CCDC148: variants seen among roughly 807,000 people sequenced by gnomAD.
CCDC148 encodes coiled-coil domain-containing protein 148.
In CCDC148, 89 loss-of-function variants were observed where a neutral mutation model predicts 85.7. The observed-to-expected ratio is 1.04, with a 90% CI of 0.87 to 1.24. The LOEUF (loss-of-function observed/expected upper bound fraction) is 1.24, where lower values mean the gene tolerates loss of function less well. Among genes scored for constraint, CCDC148 ranks in the 50% most tolerant of loss-of-function variants. The probability of loss-of-function intolerance (pLI) is 0.00; values close to 1 mark genes in which losing one functional copy is unlikely to be tolerated. For missense variants in CCDC148, 692 were observed against 671.7 expected (o/e 1.03, Z -0.33); for synonymous variants, 230 against 213.9 (o/e 1.08, Z -0.66).
intron 11 of CCDC148, among the ~76,000 whole-genome samples, chr2:158,179,846 T>C (rs573788833): frequency 2.4e-4 from 36 of 152,304 alleles, no homozygotes; most frequent in Admixed American, 5.2e-4. Flanking sequence ...TTGACATCTG[T>C]AGATGGCAGC....
chr2:158,207,370 T>C (rs1458553621), intron 11 of CCDC148: 3 of 152,208 alleles, frequency 2.0e-5, no homozygotes, highest in African/African-American at 7.2e-5. Flanking sequence ...ATGGTGCTAT[T>C]TCTCACAAAG....
rs571436949 is a variant in CCDC148, at chr2:158,312,416, T to C, written c.903+1340A>G. 2.4e-3 allele frequency among the ~76,000 whole-genome samples: 366 copies of C among 151,966 alleles called. 1 individual carries two copies. The highest frequency in any genetic ancestry group is 4.7e-3 in the Non-Finnish European group (319 of 67,932). Reference sequence around the variant, plus strand: ...GGCCAACACGGTGAAACCCCGACTCTACTGAAAATACAAAAATTAGCTGGG... The same window carrying C: ...GGCCAACACGGTGAAACCCCGACTCCACTGAAAATACAAAAATTAGCTGGG... On this transcript the variant is annotated intron_variant, in intron 8 of 13. Transcript: ENST00000283233.
intron 10 of CCDC148, among the ~76,000 whole-genome samples, chr2:158,229,208 T>G (rs528554966): frequency 6.6e-6 from 1 of 152,278 alleles, no homozygotes; most frequent in African/African-American, 2.4e-5. Flanking sequence ...CTGTGTAATC[T>G]TGAATCAGCA....
intron 13 of CCDC148, among the ~76,000 whole-genome samples, chr2:158,174,898 G>C (rs372371934): frequency 2.6e-5 from 4 of 152,138 alleles, no homozygotes; most frequent in East Asian, 1.9e-4. Context: ...CCAAAACACT[G>C]TTATGGGGCA....
chr2:158,456,453 G>A lies in CCDC148; in HGVS notation c.-14C>T, dbSNP rs1312145991. ...AGCTGCACACATGTCAAAGGTCAAA[G>A]GGCATAGCCTCAGGGACTCCCCAAA... On this transcript the variant is annotated 5_prime_UTR_variant, in exon 1 of 14. Coordinates refer to ENST00000283233, the MANE Select transcript of CCDC148 (RefSeq NM_138803.4). The A allele has an allele frequency of 6.2e-7, 1 of 1,609,972 alleles. No homozygotes were observed. Among genetic ancestry groups the A allele is most frequent in the Non-Finnish European group, 8.5e-7 (1 of 1,178,264 alleles).
At chr2:158,283,825 A>G (rs1690471540) in intron 9 of CCDC148, among the ~76,000 whole-genome samples, 1 of 152,042 alleles carries the variant, frequency 6.6e-6, no homozygotes, top group African/African-American at 2.4e-5. Context: ...ACACATGCAC[A>G]TGTATGTTTA....
chr2:158,429,872 G>T (rs1048683803), intron 1 of CCDC148, among the ~76,000 whole-genome samples: 1 of 152,158 alleles, frequency 6.6e-6, no homozygotes, highest in African/African-American at 2.4e-5. Flanking sequence ...CTGACTGGAG[G>T]TATACTTCAG....
Position 158,364,190 on chromosome 2 carries a change from G to T in CCDC148, c.26-5620C>A, listed in dbSNP as rs139035024. Among the ~76,000 whole-genome samples the T allele has an allele frequency of 1.2e-4, 18 of 152,318 alleles. No individual in the cohort carries two copies. The East Asian group carries it at 3.5e-3, about 29-fold the overall frequency. On this transcript the variant is annotated intron_variant, in intron 1 of 13. Transcript: ENST00000283233. Reference sequence around the variant, plus strand: ...ACAAACAAATGGAAAAATATTCCATGCTCATGGATAGGAAGAATGAATATC... The same window carrying T: ...ACAAACAAATGGAAAAATATTCCATTCTCATGGATAGGAAGAATGAATATC...
chr2:158,197,098 C>A (rs1685712990), intron 11 of CCDC148, among the ~76,000 whole-genome samples: 1 of 152,118 alleles, frequency 6.6e-6, no homozygotes, highest in Non-Finnish European at 1.5e-5. Flanking sequence ...TAATGGGGAA[C>A]TGAAAGTGAT....
intron 7 of CCDC148, among the ~76,000 whole-genome samples, chr2:158,314,363 T>G (rs1692184056): frequency 6.6e-6 from 1 of 152,232 alleles, no homozygotes; most frequent in African/African-American, 2.4e-5. Context: ...AAGAGACTTA[T>G]TTAAGGTTTG....
chr2:158,401,631 T>G (rs1685788854), intron 1 of CCDC148, among the ~76,000 whole-genome samples: 1 of 151,980 alleles, frequency 6.6e-6, no homozygotes, highest in South Asian at 2.1e-4. Context: ...CCATGGCACA[T>G]GTATACCTAT....
intron 9 of CCDC148, among the ~76,000 whole-genome samples, chr2:158,279,576 A>C (rs540711453): frequency 0.074 from 11,274 of 151,568 alleles, 635 homozygotes; most frequent in Middle Eastern, 0.12. Context: ...AGTTTAGAGA[A>C]AAAAGAATAA....
intron 1 of CCDC148, among the ~76,000 whole-genome samples, chr2:158,443,066 A>G (rs890192257): frequency 3.3e-5 from 5 of 152,082 alleles, no homozygotes; most frequent in Non-Finnish European, 7.4e-5. Flanking sequence ...TTGTTTTTTA[A>G]TAAACAGCTG....
intron 2 of CCDC148, among the ~76,000 whole-genome samples, chr2:158,348,807 T>A (rs1409562050): frequency 6.6e-6 from 1 of 152,118 alleles, no homozygotes; most frequent in East Asian, 1.9e-4. Context: ...CATATGTTTA[T>A]AATTTTCTAT....
At chr2:158,203,548 A>T (rs2105284737) in intron 11 of CCDC148, among the ~76,000 whole-genome samples, 1 of 152,286 alleles carries the variant, frequency 6.6e-6, no homozygotes, top group South Asian at 2.1e-4. Flanking sequence ...ATGGAGACAG[A>T]TATGGGGAAA....
chr2:158,419,311 G>A (rs2105321433), intron 1 of CCDC148, among the ~76,000 whole-genome samples: 1 of 152,240 alleles, frequency 6.6e-6, no homozygotes, highest in South Asian at 2.1e-4. Flanking sequence ...TTAAGAATGA[G>A]TCACTGAAGT....
chr2:158,406,983 T>C (rs1368381383), intron 1 of CCDC148, among the ~76,000 whole-genome samples: 1 of 152,152 alleles, frequency 6.6e-6, no homozygotes, highest in Non-Finnish European at 1.5e-5. Context: ...TTAATACAAG[T>C]GTGGCTTCTT....
intron 8 of CCDC148, among the ~76,000 whole-genome samples, chr2:158,313,500 C>T (rs1692134214): frequency 6.6e-6 from 1 of 152,212 alleles, no homozygotes; most frequent in Non-Finnish European, 1.5e-5. Context: ...CCTGGGACCA[C>T]AGTGAAGATC....
chr2:158,326,911 T>C (rs1166616270), intron 7 of CCDC148, among the ~76,000 whole-genome samples: 5 of 152,174 alleles, frequency 3.3e-5, no homozygotes, highest in Non-Finnish European at 5.9e-5. Flanking sequence ...TTTTACACAA[T>C]GTAGACTGTG....
Sources: gnomAD v4.1 joint callset for allele counts (sites outside exome capture counted in the v4.1 genomes callset) on GRCh38, gnomAD v4.1.1 for gene constraint, MANE v1.5 for transcripts, NCBI Gene and HGNC (gene_info 2026-07-23, HGNC 2026-07-21) for gene names.